Variants in ZC3H12B observed in about 807,000 individuals in gnomAD.
The protein encoded by ZC3H12B is zinc finger CCCH-type containing 12B, also known as probable ribonuclease ZC3H12B.
In ZC3H12B, 7 loss-of-function variants were observed where a neutral mutation model predicts 43.9. That is an observed-to-expected ratio of 0.16 (90% CI 0.09 to 0.30). The LOEUF (loss-of-function observed/expected upper bound fraction) is 0.30, where lower values mean the gene tolerates loss of function less well. Ranked by LOEUF, ZC3H12B falls within the 10% of genes least tolerant of loss-of-function variation. The pLI is 1.00. For synonymous variants in ZC3H12B, 222 were observed against 241.7 expected (o/e 0.92, Z 0.76); for missense variants, 475 against 670.2 (o/e 0.71, Z 3.22).
chrX:65,459,262 G>C (rs1027328757), intron 3 of ZC3H12B, among the ~76,000 whole-genome samples: 1 of 111,739 alleles, frequency 8.9e-6, no homozygotes, highest in African/African-American at 3.3e-5. Flanking sequence ...ATTCACAGCC[G>C]AATTCTACCA....
the ZC3H12B span, among the ~76,000 whole-genome samples, chrX:65,156,846 T>C: frequency 1.8e-5 from 2 of 111,980 alleles, no homozygotes; most frequent in African/African-American, 3.2e-5. Context: ...TTTTGCTTTT[T>C]TATTGAGAAT....
At chrX:65,139,054 G>A in the ZC3H12B span, among the ~76,000 whole-genome samples, 8 of 112,232 alleles carry the variant, frequency 7.1e-5, no homozygotes, top group African/African-American at 1.9e-4. Context: ...TCTTCACTGT[G>A]TTGATTGTTT....
the ZC3H12B span, among the ~76,000 whole-genome samples, chrX:65,349,600 A>G: frequency 9.0e-6 from 1 of 111,547 alleles, no homozygotes; most frequent in South Asian, 3.7e-4. Flanking sequence ...AGATCAACAA[A>G]ATAGATAGCC....
the ZC3H12B span, among the ~76,000 whole-genome samples, chrX:65,126,137 C>A: frequency 1.1e-3 from 116 of 107,522 alleles, 1 homozygote; most frequent in Admixed American, 2.9e-3. Context: ...CAATTTATTT[C>A]AAGATCTAGA....
chrX:65,034,909 G>C, the ZC3H12B span, among the ~76,000 whole-genome samples: 13 of 112,758 alleles, frequency 1.2e-4, no homozygotes, highest in African/African-American at 4.2e-4. Flanking sequence ...GTGGCCAGGG[G>C]GGCCCAGGGA....
At chrX:65,445,114 T>A (rs1602450351) in intron 3 of ZC3H12B, among the ~76,000 whole-genome samples, 1 of 112,431 alleles carries the variant, frequency 8.9e-6, no homozygotes, top group East Asian at 2.8e-4. Flanking sequence ...TCCTTCTCTG[T>A]GTTATTTTTA....
At chrX:65,360,282 AG>A in the ZC3H12B span, among the ~76,000 whole-genome samples, 2 of 112,444 alleles carry the variant, frequency 1.8e-5, no homozygotes, top group African/African-American at 6.5e-5. Flanking sequence ...AATATTTTCA[AG>A]GTATTCTTGT....
At chrX:65,321,935 CA>C in the ZC3H12B span, among the ~76,000 whole-genome samples, 1 of 110,913 alleles carries the variant, frequency 9.0e-6, no homozygotes, top group Non-Finnish European at 1.9e-5. Flanking sequence ...GATTACCTAT[CA>C]GGTACCATGT....
At chrX:65,257,422 G>T in the ZC3H12B span, among the ~76,000 whole-genome samples, 9 of 110,472 alleles carry the variant, frequency 8.1e-5, no homozygotes, top group African/African-American at 3.0e-4. Context: ...TTGGACACAG[G>T]GCAGAGAACA....
At chrX:65,149,866 G>GTACC in the ZC3H12B span, among the ~76,000 whole-genome samples, 1 of 108,345 alleles carries the variant, frequency 9.2e-6, no homozygotes, top group African/African-American at 3.3e-5. Flanking sequence ...CTTGTATAAT[G>GTACC]CTACTTATAG....
At chrX:65,440,023 C>A (rs994475184) in intron 3 of ZC3H12B, among the ~76,000 whole-genome samples, 12 of 112,026 alleles carry the variant, frequency 1.1e-4, no homozygotes, top group African/African-American at 3.6e-4. Context: ...TATTTCCCAA[C>A]TTTTTGTTAT....
chrX:65,263,010 G>A, the ZC3H12B span, among the ~76,000 whole-genome samples: 1 of 110,493 alleles, frequency 9.1e-6, no homozygotes, highest in African/African-American at 3.3e-5. Flanking sequence ...ATAAACCTGA[G>A]TTCACGTCCT....
chrX:65,113,106 C>G, the ZC3H12B span, among the ~76,000 whole-genome samples: 2 of 110,924 alleles, frequency 1.8e-5, no homozygotes, highest in Non-Finnish European at 3.8e-5. Flanking sequence ...TAAAGGCTTC[C>G]GTGGAGGAAG....
chrX:65,094,545 G>A, the ZC3H12B span, among the ~76,000 whole-genome samples: 14 of 111,281 alleles, frequency 1.3e-4, no homozygotes, highest in Non-Finnish European at 2.1e-4. Flanking sequence ...GGCCTACTAA[G>A]TTATGATTTG....
chrX:65,039,233 G>A, the ZC3H12B span, among the ~76,000 whole-genome samples: 2 of 111,494 alleles, frequency 1.8e-5, no homozygotes, highest in Non-Finnish European at 3.8e-5. Context: ...TCTTGGTATC[G>A]GAAAGTTCCC....
At chrX:65,224,500 T>G in the ZC3H12B span, among the ~76,000 whole-genome samples, 2 of 112,496 alleles carry the variant, frequency 1.8e-5, no homozygotes, top group Middle Eastern at 4.6e-3. Context: ...TTCATCTCAC[T>G]AGGGAGTGCC....
At chrX:65,424,782 G>T (rs895457606) in intron 3 of ZC3H12B, among the ~76,000 whole-genome samples, 2 of 111,512 alleles carry the variant, frequency 1.8e-5, no homozygotes, top group South Asian at 7.5e-4. Context: ...TTGTACGTGT[G>T]TGGTCTTATT....
the ZC3H12B span, among the ~76,000 whole-genome samples, chrX:65,103,969 T>C: frequency 3.6e-5 from 4 of 111,859 alleles, no homozygotes; most frequent in Non-Finnish European, 7.5e-5. Context: ...AAGACAATCC[T>C]AAGCAAAAAG....
intron 3 of ZC3H12B, among the ~76,000 whole-genome samples, chrX:65,455,728 A>C (rs987142243): frequency 7.1e-5 from 8 of 112,055 alleles, no homozygotes; most frequent in Non-Finnish European, 1.1e-4. Flanking sequence ...AGCCAGAGAG[A>C]AAAGTCGGGT....
Sources: allele counts gnomAD v4.1 joint callset (sites outside exome capture counted in the v4.1 genomes callset), GRCh38; gene constraint gnomAD v4.1.1; transcripts MANE v1.5; gene names NCBI Gene and HGNC (gene_info 2026-07-23, HGNC 2026-07-21).